MBD5: variants seen among roughly 807,000 people sequenced by gnomAD.
MBD5 encodes methyl-CpG binding domain protein 5.
MBD5 carries 13 observed loss-of-function variants against 117.3 expected under a neutral mutation model. The ratio of observed to expected loss-of-function variants is 0.11; its 90% CI spans 0.07 to 0.18. The LOEUF is 0.18. MBD5 is among the 10% of genes least tolerant of loss of function. MBD5 has a pLI of 1.00. For missense variants in MBD5, 1,879 were observed against 2,093.8 expected, an observed-to-expected ratio of 0.90 and a Z score of 2.00; for synonymous variants, 727 against 766.4, an observed-to-expected ratio of 0.95 and a Z score of 0.85.
At chr2:148,239,701 A>ACACACACACACACACACT (rs1215418874) in intron 3 of MBD5, among the ~76,000 whole-genome samples, 1 of 151,680 alleles carries the variant, frequency 6.6e-6, no homozygotes. Flanking sequence ...ACACACACAC[A>ACACACACACACACACACT]CACACACACA....
At chr2:148,354,833 T>A (rs1703335779) in intron 4 of MBD5, among the ~76,000 whole-genome samples, 1 of 152,234 alleles carries the variant, frequency 6.6e-6, no homozygotes, top group Non-Finnish European at 1.5e-5. Flanking sequence ...GGTATCTCAT[T>A]GTGATTTTGA....
At chr2:148,081,559 G>A (rs990463834) in intron 1 of MBD5, among the ~76,000 whole-genome samples, 1 of 152,234 alleles carries the variant, frequency 6.6e-6, no homozygotes, top group East Asian at 1.9e-4. Context: ...AATACCAGCC[G>A]TGGTAAGGAG....
chr2:148,120,089 A>G (rs1209852497), intron 1 of MBD5, among the ~76,000 whole-genome samples: 1 of 151,928 alleles, frequency 6.6e-6, no homozygotes, highest in Non-Finnish European at 1.5e-5. Context: ...GCTAATTTTT[A>G]TATTTCTAGA....
chr2:148,168,122 T>C (rs1374628295), intron 1 of MBD5, among the ~76,000 whole-genome samples: 1 of 152,228 alleles, frequency 6.6e-6, no homozygotes, highest in Non-Finnish European at 1.5e-5. Context: ...GTTCTAGTTC[T>C]ATTCATCTAA....
chr2:148,040,279 G>A (rs1694317877), intron 1 of MBD5, among the ~76,000 whole-genome samples: 1 of 152,058 alleles, frequency 6.6e-6, no homozygotes, highest in African/African-American at 2.4e-5. Context: ...GACCCCTTGG[G>A]CCAAGAGGTC....
At chr2:148,236,694 T>C (rs575022944) in intron 3 of MBD5, among the ~76,000 whole-genome samples, 3 of 152,296 alleles carry the variant, frequency 2.0e-5, no homozygotes, top group South Asian at 4.1e-4. Flanking sequence ...ATTATTTGAA[T>C]GGTAAATGAG....
At chr2:148,181,997 A>G (rs1698544058) in intron 2 of MBD5, among the ~76,000 whole-genome samples, 1 of 152,054 alleles carries the variant, frequency 6.6e-6, no homozygotes. Context: ...TAATGATAAT[A>G]TTATTTCCTT....
At chr2:148,179,146 A>T (rs1698458370) in intron 2 of MBD5, among the ~76,000 whole-genome samples, 1 of 152,144 alleles carries the variant, frequency 6.6e-6, no homozygotes, top group Non-Finnish European at 1.5e-5. Context: ...CGAGGTCAGG[A>T]GATCCAGACC....
At position 148,483,127 on chromosome 2, in the gene MBD5, T is replaced by C; in HGVS notation, c.2536T>C (p.Ser846Pro). The C allele has an allele frequency of 6.2e-7, 1 of 1,611,460 alleles. No homozygotes were observed. Among genetic ancestry groups the C allele is most frequent in the South Asian group, 1.1e-5 (1 of 91,050 alleles). ...CATTTTAGGCGGTTCAGGACCATCATCCTCCATAGCCATAGCGGGCACCAA... is the reference window on the plus strand; with the variant it reads ...CATTTTAGGCGGTTCAGGACCATCACCCTCCATAGCCATAGCGGGCACCAA... ...SSEAGGSGPS[S>P]SIAIAGTNHP... The change falls in exon 9 of 14, where the codon TCC (serine) becomes CCC (proline). Residue 846 changes from serine (S) to proline (P), a missense_variant. Around this residue, in one of 4 missense-constraint regions of MBD5, gnomAD observed 1,666 missense variants for 1,792.2 expected, o/e 0.93. Coordinates refer to ENST00000642680, the MANE Select transcript of MBD5 (RefSeq NM_001378120.1).
At chr2:148,057,925 C>T (rs1439098833) in intron 1 of MBD5, among the ~76,000 whole-genome samples, 1 of 151,988 alleles carries the variant, frequency 6.6e-6, no homozygotes, top group African/African-American at 2.4e-5. Flanking sequence ...ATGCAATAAG[C>T]ACTAGTGTAA....
chr2:148,367,221 A>G (rs949899749), intron 4 of MBD5, among the ~76,000 whole-genome samples: 5 of 152,202 alleles, frequency 3.3e-5, no homozygotes, highest in African/African-American at 1.2e-4. Flanking sequence ...AAAACAAGCA[A>G]TGGGGAAAGA....
intron 4 of MBD5, among the ~76,000 whole-genome samples, chr2:148,364,188 T>G (rs13391836): frequency 2.6e-5 from 4 of 152,152 alleles, no homozygotes; most frequent in African/African-American, 9.7e-5. Context: ...GGGGCCAATA[T>G]TCAACATTCT....
At chr2:148,088,301 G>A (rs1211839630) in intron 1 of MBD5, among the ~76,000 whole-genome samples, 1 of 152,044 alleles carries the variant, frequency 6.6e-6, no homozygotes, top group Non-Finnish European at 1.5e-5. Flanking sequence ...GATTAATTGA[G>A]GAAAACTTCC....
intron 4 of MBD5, among the ~76,000 whole-genome samples, chr2:148,395,253 A>G (rs144026253): frequency 1.5e-3 from 231 of 152,166 alleles, no homozygotes; most frequent in African/African-American, 5.2e-3. Flanking sequence ...TCCTTTAGCC[A>G]CTTATGGTTT....
chr2:148,439,082 C>G (rs1225928403), intron 4 of MBD5, among the ~76,000 whole-genome samples: 1 of 152,174 alleles, frequency 6.6e-6, no homozygotes, highest in African/African-American at 2.4e-5. Context: ...AAGACAAGAA[C>G]AAAGTAATAG....
intron 1 of MBD5, among the ~76,000 whole-genome samples, chr2:148,174,025 A>G (rs1574094851): frequency 1.3e-5 from 2 of 152,184 alleles, no homozygotes; most frequent in African/African-American, 2.4e-5. Context: ...GCATCACACT[A>G]CCTGAATTCA....
intron 4 of MBD5, among the ~76,000 whole-genome samples, chr2:148,410,601 T>C (rs936586997): frequency 6.6e-6 from 1 of 152,100 alleles, no homozygotes; most frequent in Non-Finnish European, 1.5e-5. Flanking sequence ...TAGCTAACTT[T>C]GGTATTTTTT....
chr2:148,165,276 T>C (rs1453411624), intron 1 of MBD5, among the ~76,000 whole-genome samples: 1 of 152,122 alleles, frequency 6.6e-6, no homozygotes, highest in Non-Finnish European at 1.5e-5. Flanking sequence ...TTTTTCTTCA[T>C]TTAGATTGTA....
intron 1 of MBD5, among the ~76,000 whole-genome samples, chr2:148,070,665 C>G (rs1481586647): frequency 2.0e-5 from 3 of 152,108 alleles, no homozygotes; most frequent in African/African-American, 4.8e-5. Flanking sequence ...CATTCTGATA[C>G]TACCTGGCAC....
Sources: allele counts gnomAD v4.1 joint callset (sites outside exome capture counted in the v4.1 genomes callset), GRCh38; gene constraint gnomAD v4.1.1; regional missense constraint gnomAD v4.1.1; transcripts MANE v1.5; gene names NCBI Gene and HGNC (gene_info 2026-07-23, HGNC 2026-07-21).